Variants in CHD1L observed in about 807,000 individuals in gnomAD.
CHD1L encodes chromodomain helicase DNA binding protein 1 like.
CHD1L carries 118 observed loss-of-function variants against 115.9 expected under a neutral mutation model. The observed-to-expected ratio is 1.02, with a 90% confidence interval of 0.88 to 1.19. CHD1L has a LOEUF of 1.19. CHD1L is among the 50% of genes most tolerant of loss of function. The pLI is 0.00. For synonymous variants in CHD1L, 411 were observed against 387.1 expected (o/e 1.06, Z -0.72); for missense variants, 1,179 against 1,065.3 (o/e 1.11, Z -1.49).
chr1:147,186,848 G>A, the CHD1L span: 1 of 1,552,958 alleles, frequency 6.4e-7, no homozygotes, highest in Non-Finnish European at 8.7e-7. Context: ...GATTCTGAAG[G>A]CATCTGTAGA....
chr1:147,231,358 T>C, the CHD1L span, among the ~76,000 whole-genome samples: 4 of 152,242 alleles, frequency 2.6e-5, no homozygotes, highest in African/African-American at 9.6e-5. Flanking sequence ...TTGATTGCAC[T>C]GTGGTCTGAG....
chr1:147,190,261 A>C, the CHD1L span: 24 of 1,545,100 alleles, frequency 1.6e-5, no homozygotes, highest in Non-Finnish European at 1.9e-5. Context: ...TAAAAACAAA[A>C]ATTAACATTT....
At chr1:147,206,883 T>C in the CHD1L span, among the ~76,000 whole-genome samples, 16 of 151,948 alleles carry the variant, frequency 1.1e-4, no homozygotes, top group Non-Finnish European at 2.2e-4. Flanking sequence ...TATATACATA[T>C]ATAACAAACC....
chr1:147,221,883 G>A, the CHD1L span, among the ~76,000 whole-genome samples: 3 of 152,232 alleles, frequency 2.0e-5, no homozygotes, highest in Non-Finnish European at 4.4e-5. Flanking sequence ...TTACCACTGT[G>A]CCAATCCACT....
the CHD1L span, among the ~76,000 whole-genome samples, chr1:147,195,583 A>C: frequency 4.6e-5 from 7 of 152,164 alleles, no homozygotes; most frequent in African/African-American, 1.7e-4. Flanking sequence ...AGATGCACAA[A>C]CAGTTCCAGT....
chr1:147,267,886 G>A (rs1409409732), intron 9 of CHD1L, among the ~76,000 whole-genome samples: 1 of 152,078 alleles, frequency 6.6e-6, no homozygotes, highest in African/African-American at 2.4e-5. Context: ...GATAAGCTGG[G>A]TTCTTAAAAA....
intron 15 of CHD1L, among the ~76,000 whole-genome samples, chr1:147,280,875 A>C (rs899084358): frequency 2.6e-5 from 4 of 152,208 alleles, no homozygotes; most frequent in Non-Finnish European, 4.4e-5. Context: ...CAGAGATTCA[A>C]TATGGACTGG....
rs1433353778 is a variant in CHD1L at position 147,286,357 on chromosome 1, A to C, written c.2078A>C (p.Glu693Ala). The change falls in exon 18 of 23, where the codon GAG (glutamate) becomes GCG (alanine). Residue 693 changes from glutamate (E) to alanine (A), a missense_variant. By Grantham distance (107) the Glu-to-Ala change is moderately radical (BLOSUM62 -1). Coordinates refer to ENST00000369258, the MANE Select transcript of CHD1L (RefSeq NM_004284.6). ...TTCTGCCTGCCCTCTGAGGAGAGCG[A>C]GCCAGAGGACCTTGAGAATGGGGAA... is the stretch of plus-strand genomic sequence containing the variant. The part of the protein sequence containing the change: ...QSFCLPSEES[E>A]PEDLENGEES... The C allele has an allele frequency of 2.5e-6, 4 of 1,614,072 alleles. No homozygotes were observed. The East Asian group carries it at 8.9e-5, about 36-fold the overall frequency.
At chr1:147,252,885 G>A (rs1199591932) in intron 2 of CHD1L, 150 bp downstream of exon 2, 3 of 641,652 alleles carry the variant, frequency 4.7e-6, no homozygotes, top group South Asian at 1.9e-5. Flanking sequence ...CCGGGAAAGG[G>A]CCTTCCCTGT....
the CHD1L span, among the ~76,000 whole-genome samples, chr1:147,234,579 T>C: frequency 6.6e-6 from 1 of 152,238 alleles, no homozygotes; most frequent in East Asian, 1.9e-4. Flanking sequence ...GTTCAAGTAT[T>C]AGTCAGCATT....
the CHD1L span, among the ~76,000 whole-genome samples, chr1:147,226,659 A>G: frequency 0.088 from 13,417 of 152,064 alleles, 667 homozygotes; most frequent in East Asian, 0.16. Context: ...CATGCCTTGG[A>G]TCCTTGCTCT....
the CHD1L span, among the ~76,000 whole-genome samples, chr1:147,231,034 C>A: frequency 6.6e-6 from 1 of 151,632 alleles, no homozygotes; most frequent in Non-Finnish European, 1.5e-5. Context: ...TTGGTTATTT[C>A]TTGCCTTCTG....
the CHD1L span, among the ~76,000 whole-genome samples, chr1:147,187,964 C>T: frequency 6.6e-6 from 1 of 151,882 alleles, no homozygotes; most frequent in Non-Finnish European, 1.5e-5. Flanking sequence ...AGAGAAAAGC[C>T]AAGTCAAGCC....
chr1:147,235,087 C>CTGTGTGTGTG, the CHD1L span, among the ~76,000 whole-genome samples: 11,149 of 146,044 alleles, frequency 0.076, 471 homozygotes, highest in Non-Finnish European at 0.097. Flanking sequence ...ATATCCCACA[C>CTGTGTGTGTG]TGTGTGTGTG....
the CHD1L span, chr1:147,186,401 T>C: frequency 4.4e-5 from 40 of 900,366 alleles, no homozygotes; most frequent in East Asian, 1.2e-4. Context: ...CTTAGATACA[T>C]ACAACTATTG....
In CHD1L at chr1:147,284,476, C is replaced by T. The variant is rs781961050; in HGVS notation, c.1831C>T (p.Arg611Ter). ...TTTGGAGAAAGCTAGTCAAGAGGGC[C>T]GATCACTCCGAAATAAAGGCAGTGT... ...TLLEKASQEG[R>*]SLRNKGSVLI... is the part of the protein sequence containing the mutation. Residue 611 changes from arginine to a stop codon, truncating the protein, a stop_gained, in exon 16 of 23, where the codon CGA (arginine) becomes TGA (stop). Transcript: ENST00000369258. LOFTEE classifies it high-confidence loss of function. 69 of 1,602,994 alleles carry T rather than the reference C, an allele frequency of 4.3e-5. No individual in the cohort carries two copies. Among genetic ancestry groups the T allele is most frequent in the East Asian group, 3.4e-4 (15 of 44,600 alleles).
intron 5 of CHD1L, among the ~76,000 whole-genome samples, chr1:147,256,816 C>T (rs1553940846): frequency 6.6e-6 from 1 of 152,140 alleles, no homozygotes; most frequent in Admixed American, 6.5e-5. Context: ...TTGTTTCTTA[C>T]CTCAAATAGC....
At chr1:147,225,389 G>A in the CHD1L span, 5 of 216,698 alleles carry the variant, frequency 2.3e-5, no homozygotes, top group East Asian at 4.2e-4. Context: ...GACAAACAGC[G>A]AGAGCCAACG....
Position 147,285,341 on chromosome 1 carries a change from TGTG to T in CHD1L, c.1874_1876del (p.Val625del). 2 of 1,613,186 alleles carry T rather than the reference TGTG, an allele frequency of 1.2e-6. No individual in the cohort carries two copies. The highest frequency in any genetic ancestry group is 1.7e-6 in the Non-Finnish European group (2 of 1,179,722). ...TCCTCTAGGTTCTCATCCCAGGCCT[TGTG>T]GAGGGATCTACCAAAAGGAAGCGGG... is the stretch of plus-strand genomic sequence containing the variant. On this transcript the variant is annotated inframe_deletion, in exon 17 of 23. Coordinates refer to ENST00000369258, the MANE Select transcript of CHD1L (RefSeq NM_004284.6).
Sources: gnomAD v4.1 joint callset for allele counts (sites outside exome capture counted in the v4.1 genomes callset) on GRCh38, gnomAD v4.1.1 for gene constraint, MANE v1.5 for transcripts, NCBI Gene and HGNC (gene_info 2026-07-23, HGNC 2026-07-21) for gene names.